Variants in SETDB1 observed in about 807,000 individuals in gnomAD.
The protein encoded by SETDB1 is SET domain bifurcated histone lysine methyltransferase 1, also known as histone-lysine N-methyltransferase SETDB1.
A neutral mutation model predicts 137.4 loss-of-function variants in SETDB1; 31 were observed. The observed-to-expected ratio is 0.23, with a 90% CI of 0.17 to 0.30. The LOEUF is 0.30. Ranked by LOEUF, SETDB1 falls within the 10% of genes least tolerant of loss-of-function variation. The pLI, the probability that SETDB1 is intolerant of heterozygous loss-of-function variation, is 1.00. For synonymous variants in SETDB1, 548 were observed against 579.9 expected (o/e 0.95, Z 0.79); for missense variants, 1,113 against 1,631.5 (o/e 0.68, Z 5.47).
intron 1 of SETDB1, chr1:150,926,814 C>T (rs1273276053): frequency 1.9e-6 from 1 of 533,342 alleles, no homozygotes; most frequent in East Asian, 5.4e-5. Context: ...ATTAGGTACC[C>T]ACGTTTTATT....
intron 3 of SETDB1, among the ~76,000 whole-genome samples, chr1:150,934,043 A>C (rs1380998667): frequency 6.6e-6 from 1 of 151,822 alleles, no homozygotes; most frequent in African/African-American, 2.4e-5. Context: ...TCGGCTTCCC[A>C]AAGTGCTAGG....
chr1:150,929,895 C>T (rs1468091097), intron 2 of SETDB1, 72 bp from the exon 3 acceptor site: 1 of 1,249,916 alleles, frequency 8.0e-7, no homozygotes. Context: ...AATATATATA[C>T]ATCGTAATGG....
At chr1:150,939,728 C>T (rs1440523064) in intron 3 of SETDB1, among the ~76,000 whole-genome samples, 5 of 152,156 alleles carry the variant, frequency 3.3e-5, no homozygotes, top group South Asian at 2.1e-4. Context: ...GCAGGGATTA[C>T]AGGTGTGAGC....
At chr1:150,962,493 G>T in intron 17 of SETDB1, 94 bp from the exon 18 acceptor site, 2 of 1,266,562 alleles carry the variant, frequency 1.6e-6, no homozygotes, top group Admixed American at 1.8e-5. Flanking sequence ...CTGTCTTTTT[G>T]ACCTGTCTCC....
At chr1:150,962,239 G>A (rs1670845548) in intron 17 of SETDB1, 81 bp downstream of exon 17, 7 of 1,275,094 alleles carry the variant, frequency 5.5e-6, no homozygotes, top group Non-Finnish European at 8.0e-6. Context: ...CGTAATCTCA[G>A]CTCATTGCAA....
chr1:150,932,405 A>G (rs1446478076), intron 3 of SETDB1, among the ~76,000 whole-genome samples: 1 of 152,152 alleles, frequency 6.6e-6, no homozygotes, highest in African/African-American at 2.4e-5. Flanking sequence ...TTCTTCCTAA[A>G]AAGTTTGATA....
chr1:150,942,019 A>T (rs868525408), intron 5 of SETDB1, among the ~76,000 whole-genome samples: 1 of 151,992 alleles, frequency 6.6e-6, no homozygotes, highest in Admixed American at 6.6e-5. Flanking sequence ...GCACGCCTGT[A>T]ATCTCAGCTA....
At chr1:150,963,951 TCA>T (rs747465170) in intron 20 of SETDB1, 42 bp from the exon 21 acceptor site, 211 of 1,565,506 alleles carry the variant, frequency 1.3e-4, no homozygotes, top group Non-Finnish European at 1.7e-4. Context: ...AAAGCCAGGT[TCA>T]GTTTCCCTGG....
intron 13 of SETDB1, 116 bp from the exon 14 acceptor site, chr1:150,951,249 G>T: frequency 8.9e-7 from 1 of 1,122,800 alleles, no homozygotes; most frequent in Admixed American, 2.0e-5. Context: ...AAGCTATGAG[G>T]TAGGGAGGCT....
chr1:150,928,304 C>T, intron 2 of SETDB1: 1 of 266,828 alleles, frequency 3.7e-6, no homozygotes, highest in Non-Finnish European at 7.3e-6. Context: ...TTATGAAGTA[C>T]AGATGTTTAG....
chr1:150,964,665 A>G lies in SETDB1; in HGVS notation c.*301A>G. ...GCTTCTAACAGACTTTGTTCTTAGA[A>G]TGGAGCCTGTGTATCTACTATCTCC... is the stretch of plus-strand genomic sequence containing the variant. On this transcript the variant is annotated 3_prime_UTR_variant, in exon 22 of 22. Transcript: ENST00000692827. The G allele has an allele frequency of 1.7e-6, 1 of 603,600 alleles. No homozygotes were observed. The highest frequency in any genetic ancestry group is 3.0e-6 in the Non-Finnish European group (1 of 338,624). The allele number at this position is 603,600 out of a possible 1,614,324, so 37.4% of individuals were successfully genotyped here.
chr1:150,942,767 C>T (rs1670204514), intron 6 of SETDB1, 79 bp downstream of exon 6: 1 of 1,596,652 alleles, frequency 6.3e-7, no homozygotes, highest in East Asian at 2.2e-5. Flanking sequence ...TCCCCATAAC[C>T]TTCCCATTTG....
rs1670430373 is a variant in SETDB1 at position 150,949,362 on chromosome 1, C to G, written c.1425-5C>G. On this transcript the variant is annotated splice_region_variant and splice_polypyrimidine_tract_variant and intron_variant, in intron 11 of 21. Transcript: ENST00000692827. Reference sequence around the variant, plus strand: ...TACTATATGCCCTCTTCTCTAATCTCCTAGAAGCTTGGAAAGCCAGCTTGC... The same window carrying G: ...TACTATATGCCCTCTTCTCTAATCTGCTAGAAGCTTGGAAAGCCAGCTTGC... 1 of 1,614,022 alleles carries G rather than the reference C, an allele frequency of 6.2e-7. No individual in the cohort carries two copies. Among genetic ancestry groups the G allele is most frequent in the South Asian group, 1.1e-5 (1 of 91,088 alleles).
intron 5 of SETDB1, among the ~76,000 whole-genome samples, chr1:150,942,335 T>A (rs1157580682): frequency 1.3e-5 from 2 of 149,934 alleles, no homozygotes; most frequent in Non-Finnish European, 3.0e-5. Flanking sequence ...TAGTCCCAGC[T>A]ACTCGGGAGG....
At chr1:150,962,945 TCTTA>T (rs776277757) in intron 18 of SETDB1, 25 bp from the exon 19 acceptor site, 46 of 1,608,486 alleles carry the variant, frequency 2.9e-5, no homozygotes, top group African/African-American at 9.3e-5. Context: ...CATTTACTTC[TCTTA>T]CTTCTTACCC....
rs1670486743 is a variant in SETDB1, at chr1:150,951,386, A to G, written c.2238A>G (p.Gln746=). The change falls in exon 14 of 22, where the codon CAA becomes CAG. Residue 746 remains glutamine (Q), a synonymous_variant. Coordinates refer to ENST00000692827, the MANE Select transcript of SETDB1 (RefSeq NM_001366418.1). ...CRDKSKCACH[Q]LTIQATACTP... ...ATAGGTCCAAGTGTGCCTGCCATCA[A>G]CTAACTATCCAGGCTACAGCCTGTA... 6.2e-7 allele frequency: 1 copy of G among 1,613,052 alleles called. No individual in the cohort carries two copies. Among genetic ancestry groups the G allele is most frequent in the Non-Finnish European group, 8.5e-7 (1 of 1,179,058 alleles).
intron 2 of SETDB1, 79 bp from the exon 3 acceptor site, chr1:150,929,888 A>G: frequency 8.4e-7 from 1 of 1,190,732 alleles, no homozygotes; most frequent in South Asian, 1.5e-5. Flanking sequence ...ATACTTAAAT[A>G]TATATACATC....
At chr1:150,927,670 G>T in intron 1 of SETDB1, 34 bp from the exon 2 acceptor site, 1 of 1,587,942 alleles carries the variant, frequency 6.3e-7, no homozygotes, top group Non-Finnish European at 8.6e-7. Context: ...TAGTTATAAG[G>T]ACTCCAATTT....
In SETDB1 at chr1:150,961,920, A is replaced by G. The variant is rs916310008; in HGVS notation, c.3133-210A>G. The G allele has an allele frequency of 1.2e-5, 8 of 659,206 alleles. No homozygotes were observed. The African/African-American group carries it at 1.4e-4, about 12-fold the overall frequency. The allele number at this position is 659,206 out of a possible 1,614,324, so 40.8% of individuals were successfully genotyped here. A position where few individuals can be genotyped will look rare whatever the true frequency, so the allele number is the denominator to read the frequency against. The stretch of plus-strand genomic sequence containing the variant: ...CCTGCTCGTGGTGTTTTCCATGAGC[A>G]TTAAGCCCCATCACTGAGAAGGCTT... On this transcript the variant is annotated intron_variant, in intron 16 of 21. Coordinates refer to ENST00000692827, the MANE Select transcript of SETDB1 (RefSeq NM_001366418.1).
Sources: allele counts gnomAD v4.1 joint callset (sites outside exome capture counted in the v4.1 genomes callset), GRCh38; gene constraint gnomAD v4.1.1; transcripts MANE v1.5; gene names NCBI Gene and HGNC (gene_info 2026-07-23, HGNC 2026-07-21).